The following RAD23B variants were observed in gnomAD, a reference collection of about 807,000 sequenced individuals.
RAD23B encodes the protein RAD23 nucleotide excision repair protein B.
Under a neutral mutation model 49.1 loss-of-function variants are expected in RAD23B, and 5 were observed. The observed-to-expected ratio is 0.10, with a 90% CI of 0.05 to 0.21. The LOEUF is 0.21. Among genes scored for constraint, RAD23B ranks in the 10% least tolerant of loss-of-function variants. RAD23B has a pLI of 1.00. For missense variants in RAD23B, 356 were observed against 486.7 expected, an observed-to-expected ratio of 0.73 and a Z score of 2.53; for synonymous variants, 184 against 165.4, an observed-to-expected ratio of 1.11 and a Z score of -0.86.
intron 8 of RAD23B, among the ~76,000 whole-genome samples, chr9:107,324,281 A>G (rs1431566207): frequency 1.3e-5 from 2 of 152,240 alleles, no homozygotes; most frequent in Non-Finnish European, 2.9e-5. Context: ...CCCACTACAC[A>G]TTAATATGTT....
intron 4 of RAD23B, among the ~76,000 whole-genome samples, chr9:107,309,846 G>A (rs907850893): frequency 5.9e-5 from 9 of 151,682 alleles, no homozygotes; most frequent in Admixed American, 5.3e-4. Flanking sequence ...CAGGAGAATG[G>A]CGTGAACCCG....
At chr9:107,323,806 T>C (rs1827152022) in intron 7 of RAD23B, 84 bp from the exon 8 acceptor site, 3 of 1,227,764 alleles carry the variant, frequency 2.4e-6, no homozygotes, top group Admixed American at 3.5e-5. Flanking sequence ...TCTTTGATAG[T>C]GTTTGCTGTC....
In RAD23B at chr9:107,318,852, T is replaced by C; in HGVS notation, c.654T>C (p.Pro218=). The C allele has an allele frequency of 1.2e-6, 2 of 1,613,690 alleles. No homozygotes were observed. The highest frequency in any genetic ancestry group is 1.7e-6 in the Non-Finnish European group (2 of 1,179,628). Residue 218 remains proline, a synonymous_variant, in exon 6 of 10, where the codon CCT becomes CCC. Transcript: ENST00000358015. The surrounding 1 kb of genome is among the most constrained non-coding windows in gnomAD (Gnocchi z 4.3). ...CCCTGAGAGCCAGTTTCAACAACCC[T>C]GACAGAGCAGTGGAGTATCTTTTAA... ...IAALRASFNN[P]DRAVEYLLMG...
chr9:107,321,865 A>G, intron 6 of RAD23B, 118 bp from the exon 7 acceptor site: 1 of 1,099,870 alleles, frequency 9.1e-7, no homozygotes, highest in Non-Finnish European at 1.2e-6. Context: ...TGAAGCAGAC[A>G]TCTGTTTGAT....
At chr9:107,296,949 G>A (rs114570587) in intron 1 of RAD23B, among the ~76,000 whole-genome samples, 2,188 of 145,706 alleles carry the variant, frequency 0.015, 48 homozygotes, top group African/African-American at 0.052. Flanking sequence ...CCAGCTCCCT[G>A]GTTCATTTGG....
intron 9 of RAD23B, among the ~76,000 whole-genome samples, chr9:107,327,853 TTTAA>T (rs770325125): frequency 6.6e-6 from 1 of 152,198 alleles, no homozygotes; most frequent in Non-Finnish European, 1.5e-5. Context: ...AATTTCTACC[TTTAA>T]TTCTCAGTTT....
chr9:107,314,135 G>T (rs923034593), intron 5 of RAD23B, among the ~76,000 whole-genome samples: 2 of 152,108 alleles, frequency 1.3e-5, no homozygotes, highest in African/African-American at 4.8e-5. Context: ...ACTCTCATGG[G>T]GTCTTTGTTA....
At chr9:107,294,253 T>A (rs1564241006) in intron 1 of RAD23B, among the ~76,000 whole-genome samples, 1 of 152,224 alleles carries the variant, frequency 6.6e-6, no homozygotes, top group Non-Finnish European at 1.5e-5. Flanking sequence ...CACGATTTTT[T>A]AAGAGAGAAT....
At chr9:107,312,383 A>T (rs945491665) in intron 5 of RAD23B, among the ~76,000 whole-genome samples, 4 of 152,132 alleles carry the variant, frequency 2.6e-5, no homozygotes, top group East Asian at 1.9e-4. Context: ...AAAGCGAGGA[A>T]TAGGTAGAAA....
intron 6 of RAD23B, among the ~76,000 whole-genome samples, chr9:107,320,168 G>A (rs1827079814): frequency 6.6e-6 from 1 of 152,154 alleles, no homozygotes; most frequent in African/African-American, 2.4e-5. Context: ...CTTTTTCTTA[G>A]CATATTATTT....
At position 107,332,055 on chromosome 9, in the gene RAD23B, T is replaced by G. The variant is rs1195234033; in HGVS notation, c.*2399T>G. ...AATGTGAGGAAGCCTAAGTTTGTATTTGTAAATTTCTTATGCCATCCTCTA... is the reference window on the plus strand; with the variant it reads ...AATGTGAGGAAGCCTAAGTTTGTATGTGTAAATTTCTTATGCCATCCTCTA... On this transcript the variant is annotated 3_prime_UTR_variant, in exon 10 of 10. Coordinates refer to ENST00000358015, the MANE Select transcript of RAD23B (RefSeq NM_002874.5). 3.2e-6 allele frequency: 1 copy of G among 315,444 alleles called. No homozygotes were observed. The highest frequency in any genetic ancestry group is 2.1e-5 in the African/African-American group (1 of 46,914). 19.5% of individuals were successfully genotyped at this position (315,444 alleles called of 1,614,324 possible).
At chr9:107,323,797 C>T in intron 7 of RAD23B, 93 bp from the exon 8 acceptor site, 17 of 1,157,118 alleles carry the variant, frequency 1.5e-5, no homozygotes, top group Middle Eastern at 2.1e-4. Flanking sequence ...ATCATTTTTT[C>T]TTTGATAGTG....
At chr9:107,290,182 G>C (rs1833351905) in intron 1 of RAD23B, among the ~76,000 whole-genome samples, 1 of 152,124 alleles carries the variant, frequency 6.6e-6, no homozygotes, top group Non-Finnish European at 1.5e-5. Context: ...ATGTCTACAA[G>C]GTCCTACCGT....
In RAD23B at chr9:107,324,028, A is replaced by AG; in HGVS notation, c.945+12dup. 1 of 1,612,652 alleles carries AG rather than the reference A, an allele frequency of 6.2e-7. No homozygotes were observed. The highest frequency in any genetic ancestry group is 8.5e-7 in the Non-Finnish European group (1 of 1,178,896). On this transcript the variant is annotated intron_variant, in intron 8 of 9. Coordinates refer to ENST00000358015, the MANE Select transcript of RAD23B (RefSeq NM_002874.5). ...CCTCAATTACTTCAGGTGACTAATC[A>AG]GTGTCAGTTTCACAAGTGATTTAGA...
At chr9:107,306,091 T>A (rs1177229297) in intron 3 of RAD23B, among the ~76,000 whole-genome samples, 59 of 117,842 alleles carry the variant, frequency 5.0e-4, no homozygotes, top group South Asian at 8.9e-4. Context: ...CTATATATAT[T>A]TCAAATTTTT....
chr9:107,303,696 G>A (rs965247618), intron 3 of RAD23B, among the ~76,000 whole-genome samples: 2 of 152,138 alleles, frequency 1.3e-5, no homozygotes, highest in African/African-American at 2.4e-5. Context: ...ATCTGTCTAT[G>A]TTATAGCTTG....
At position 107,328,834 on chromosome 9, in the gene RAD23B, T is replaced by C. The variant is rs536790660; in HGVS notation, c.1117-709T>C. 1.5e-4 allele frequency among the ~76,000 whole-genome samples: 23 copies of C among 152,322 alleles called. No individual in the cohort carries two copies. In the South Asian group the frequency reaches 3.9e-3, roughly 26 times the overall value. ...ACATTTGGCTGAGTTTTTAAAGGCT[T>C]TTAAAAGGAGTGAGTATTGTCACAA... On this transcript the variant is annotated intron_variant, in intron 9 of 9. Transcript: ENST00000358015.
At chr9:107,290,112 A>T (rs1340359210) in intron 1 of RAD23B, among the ~76,000 whole-genome samples, 1 of 152,088 alleles carries the variant, frequency 6.6e-6, no homozygotes, top group Non-Finnish European at 1.5e-5. Flanking sequence ...TAGCCTGCTT[A>T]TTTTCACTTG....
At chr9:107,292,097 A>G (rs1222715742) in intron 1 of RAD23B, among the ~76,000 whole-genome samples, 2 of 152,180 alleles carry the variant, frequency 1.3e-5, no homozygotes, top group Non-Finnish European at 2.9e-5. Context: ...CATGAACACA[A>G]CTACACTATT....
Sources: allele counts gnomAD v4.1 joint callset (sites outside exome capture counted in the v4.1 genomes callset), GRCh38; gene constraint gnomAD v4.1.1; non-coding constraint Gnocchi (gnomAD v3.1); transcripts MANE v1.5; gene names NCBI Gene and HGNC (gene_info 2026-07-23, HGNC 2026-07-21).